Variants in SUCO observed in about 807,000 individuals in gnomAD.
SUCO encodes the protein SUN domain containing ossification factor.
In SUCO, 57 loss-of-function variants were observed where a neutral mutation model predicts 148.1. The ratio of observed to expected loss-of-function variants is 0.38; its 90% CI spans 0.31 to 0.48. The LOEUF (loss-of-function observed/expected upper bound fraction) is 0.48, where lower values mean the gene tolerates loss of function less well. SUCO is among the 20% of genes least tolerant of loss of function. The probability of loss-of-function intolerance (pLI) is 0.96; values close to 1 mark genes in which losing one functional copy is unlikely to be tolerated. For synonymous variants in SUCO, 470 were observed against 502.7 expected, an observed-to-expected ratio of 0.93 and a Z score of 0.87; for missense variants, 1,331 against 1,468.2, an observed-to-expected ratio of 0.91 and a Z score of 1.53.
rs943607484 is a variant in SUCO at position 172,542,337 on chromosome 1, G to A, written c.62+8840G>A. The stretch of plus-strand genomic sequence containing the variant: ...ACGGAGGTTGCGGTGAACCAAGATC[G>A]TGCCATTGCACTCCAGCCTGGTCAA... On this transcript the variant is annotated intron_variant, in intron 1 of 23. Transcript: ENST00000263688. Among the ~76,000 whole-genome samples, 11 of 152,134 alleles carry A rather than the reference G, an allele frequency of 7.2e-5. No individual in the cohort carries two copies. In the East Asian group the frequency reaches 9.7e-4, roughly 13 times the overall value.
At chr1:172,573,268 T>TA (rs1450993802) in intron 9 of SUCO, among the ~76,000 whole-genome samples, 2 of 152,166 alleles carry the variant, frequency 1.3e-5, no homozygotes, top group Admixed American at 1.3e-4. Flanking sequence ...TACTATAAAT[T>TA]AGTTTACAGT....
intron 20 of SUCO, among the ~76,000 whole-genome samples, chr1:172,601,117 G>T (rs1471158004): frequency 6.6e-6 from 1 of 152,202 alleles, no homozygotes; most frequent in Non-Finnish European, 1.5e-5. Context: ...AGCACTTTGA[G>T]AAGCTCTCCA....
intron 6 of SUCO, among the ~76,000 whole-genome samples, chr1:172,561,999 C>T (rs938035235): frequency 6.6e-6 from 1 of 152,258 alleles, no homozygotes; most frequent in African/African-American, 2.4e-5. Context: ...GGGCAGGCAC[C>T]TACCAGCCCC....
intron 19 of SUCO, among the ~76,000 whole-genome samples, chr1:172,596,883 G>T (rs1327305229): frequency 6.6e-6 from 1 of 152,234 alleles, no homozygotes; most frequent in East Asian, 1.9e-4. Context: ...CCTGCCCCCA[G>T]AGACGGAGTC....
intron 18 of SUCO, among the ~76,000 whole-genome samples, 188 bp from the exon 19 acceptor site, chr1:172,590,796 A>G (rs1571268773): frequency 6.6e-6 from 1 of 152,166 alleles, no homozygotes; most frequent in South Asian, 2.1e-4. Flanking sequence ...CTGCATCCCA[A>G]GGGAACCACA....
chr1:172,595,894 C>G (rs796956142), intron 19 of SUCO, among the ~76,000 whole-genome samples: 8 of 152,164 alleles, frequency 5.3e-5, no homozygotes, highest in South Asian at 4.1e-4. Context: ...TTCCATTTTC[C>G]CCGTCACTTT....
upstream of SUCO, chr1:172,533,020 G>A: frequency 7.0e-7 from 1 of 1,425,960 alleles, no homozygotes; most frequent in African/African-American, 1.4e-5. Context: ...CTTGGGTGAC[G>A]CGTCCCTTTC....
rs532455426 is a variant in SUCO, at chr1:172,552,971, T to C, written c.178-289T>C. Reference sequence around the variant, plus strand: ...TGTATCTTCATTTGTCAGGTATTCATTGGAGTTTTACTAGGTGCTTACAAC... The same window carrying C: ...TGTATCTTCATTTGTCAGGTATTCACTGGAGTTTTACTAGGTGCTTACAAC... On this transcript the variant is annotated intron_variant, in intron 2 of 23. Coordinates refer to ENST00000263688, the MANE Select transcript of SUCO (RefSeq NM_014283.5). Among the ~76,000 whole-genome samples the C allele has an allele frequency of 2.0e-5, 3 of 152,186 alleles. No individual in the cohort carries two copies. The East Asian group carries it at 5.8e-4, about 29-fold the overall frequency.
At chr1:172,578,521 A>T in intron 14 of SUCO, 132 bp downstream of exon 14, 1 of 1,371,290 alleles carries the variant, frequency 7.3e-7, no homozygotes, top group South Asian at 1.8e-5. Flanking sequence ...GTTGTTTTTA[A>T]CTCTAATCAA....
chr1:172,584,483 A>G, intron 15 of SUCO: 1 of 337,302 alleles, frequency 3.0e-6, no homozygotes, highest in Non-Finnish European at 4.2e-6. Context: ...CAAGAAAAGT[A>G]TATTTAAGGC....
chr1:172,573,592 C>T (rs753671090), intron 9 of SUCO, among the ~76,000 whole-genome samples: 1 of 152,002 alleles, frequency 6.6e-6, no homozygotes, highest in Non-Finnish European at 1.5e-5. Context: ...ACTGTCTGTT[C>T]TTAAGAAAGT....
chr1:172,589,320 A>T lies in SUCO; in HGVS notation c.2219A>T (p.Glu740Val), dbSNP rs1656461222. The T allele has an allele frequency of 6.2e-7, 1 of 1,613,330 alleles. No homozygotes were observed. Among genetic ancestry groups the T allele is most frequent in the Admixed American group, 1.7e-5 (1 of 59,908 alleles). The part of the protein sequence containing the change: ...SQSLLLDITP[E>V]INPLPKIEVS... ...TCTCTTCTTTTAGATATTACCCCAG[A>T]AATCAATCCCTTGCCTAAAATAGAA... The change falls in exon 18 of 24, where the codon GAA becomes GTA. Residue 740 changes from glutamate to valine, a missense_variant. By Grantham distance (121) the Glu-to-Val change is moderately radical (BLOSUM62 -2). Around this residue, in one of 3 missense-constraint regions of SUCO, gnomAD observed 992 missense variants for 1,093.5 expected, o/e 0.91. Transcript: ENST00000263688.
At chr1:172,607,662 A>T (rs1239005823) in intron 22 of SUCO, among the ~76,000 whole-genome samples, 1 of 151,154 alleles carries the variant, frequency 6.6e-6, no homozygotes, top group East Asian at 1.9e-4. Flanking sequence ...GCTTTTAGTG[A>T]TTTTTTTTAA....
chr1:172,610,214 C>G lies in SUCO; in HGVS notation c.3720C>G (p.Ile1240Met), dbSNP rs367909484. ...LHDIIKGNKE[I>M]TVGTFGVTAV... Reference sequence around the variant, plus strand: ...ACATAATCAAAGGAAACAAAGAGATCACCGTGGGAACATTTGGTGTTACAG... The same window carrying G: ...ACATAATCAAAGGAAACAAAGAGATGACCGTGGGAACATTTGGTGTTACAG... The change falls in exon 24 of 24, where the codon ATC (isoleucine) becomes ATG (methionine). Residue 1240 changes from isoleucine to methionine, a missense_variant. Transcript: ENST00000263688. The G allele has an allele frequency of 1.2e-6, 2 of 1,610,502 alleles. No individual in the cohort carries two copies. Among genetic ancestry groups the G allele is most frequent in the Non-Finnish European group, 1.7e-6 (2 of 1,178,892 alleles).
At chr1:172,551,366 A>G (rs1423231587) in intron 1 of SUCO, 146 bp from the exon 2 acceptor site, 1 of 440,418 alleles carries the variant, frequency 2.3e-6, no homozygotes, top group African/African-American at 2.0e-5. Flanking sequence ...TCGTCATTAA[A>G]TTGTTAAAAG....
intron 6 of SUCO, among the ~76,000 whole-genome samples, chr1:172,561,014 C>T (rs1464134863): frequency 6.6e-6 from 1 of 152,236 alleles, no homozygotes; most frequent in African/African-American, 2.4e-5. Flanking sequence ...GCACCGCCAC[C>T]TTCCCAGACT....
At chr1:172,570,010 A>C (rs1433051504) in intron 7 of SUCO, 37 bp from the exon 8 acceptor site, 7 of 1,331,116 alleles carry the variant, frequency 5.3e-6, no homozygotes, top group Middle Eastern at 2.3e-4. Context: ...ATCATCAAAT[A>C]TATATATAAA....
chr1:172,584,151 C>CA (rs1417669529), intron 15 of SUCO, among the ~76,000 whole-genome samples: 4 of 152,110 alleles, frequency 2.6e-5, no homozygotes, highest in Non-Finnish European at 5.9e-5. Flanking sequence ...TGATTCTATG[C>CA]AATATCAATT....
chr1:172,574,937 T>A, intron 10 of SUCO: 33 of 975,860 alleles, frequency 3.4e-5, no homozygotes, highest in Non-Finnish European at 3.9e-5. Context: ...AATTTTCTTA[T>A]ATGTCAAATG....
Sources: gnomAD v4.1 joint callset for allele counts (sites outside exome capture counted in the v4.1 genomes callset) on GRCh38, gnomAD v4.1.1 for gene constraint, gnomAD v4.1.1 regional missense constraint, MANE v1.5 for transcripts, NCBI Gene and HGNC (gene_info 2026-07-23, HGNC 2026-07-21) for gene names.